The following PIR variants were observed in gnomAD, a reference collection of about 807,000 sequenced individuals.
PIR encodes the protein pirin, also known as pirin (iron-binding nuclear protein).
PIR carries 22 observed loss-of-function variants against 24.2 expected under a neutral mutation model. The ratio of observed to expected loss-of-function variants is 0.91; its 90% CI spans 0.65 to 1.30. The LOEUF is 1.30. Ranked by LOEUF, PIR falls within the 50% of genes most tolerant of loss-of-function variation. PIR has a pLI of 0.00. For missense variants in PIR, 220 were observed against 220.3 expected (o/e 1.00, Z 0.01); for synonymous variants, 80 against 79.6 (o/e 1.00, Z -0.03).
Position 15,428,835 on chromosome X carries a change from A to T in PIR, c.481-2845T>A, listed in dbSNP as rs1004204551. On this transcript the variant is annotated intron_variant, in intron 5 of 9. Transcript: ENST00000380420. The stretch of plus-strand genomic sequence containing the variant: ...GAGGTATTGCTTTTTCTGCTGACCA[A>T]CGAAACACTTATCTTCTTCTGGGTT... Among the ~76,000 whole-genome samples, 5 of 111,755 alleles carry T rather than the reference A, an allele frequency of 4.5e-5. No homozygotes were observed. In the South Asian group the frequency reaches 1.5e-3, roughly 34 times the overall value.
chrX:15,431,598 A>AT (rs1381638974), intron 5 of PIR, among the ~76,000 whole-genome samples: 12 of 109,064 alleles, frequency 1.1e-4, no homozygotes, highest in Non-Finnish European at 5.7e-5. Flanking sequence ...ATTGTTGCAC[A>AT]TTTTTTTTCC....
At chrX:15,468,590 TAC>T (rs1476112273) in intron 3 of PIR, among the ~76,000 whole-genome samples, 3 of 112,432 alleles carry the variant, frequency 2.7e-5, no homozygotes, top group Non-Finnish European at 5.6e-5. Flanking sequence ...TTTTTATGGG[TAC>T]GTTATTATTA....
chrX:15,479,891 A>C, intron 2 of PIR, 70 bp from the exon 3 acceptor site: 1 of 536,972 alleles, frequency 1.9e-6, no homozygotes, highest in Non-Finnish European at 3.0e-6. Context: ...TACATTTATG[A>C]ACAGATCTAG....
Position 15,445,820 on chromosome X carries a change from C to CTT in PIR, c.480+10026_480+10027dup, listed in dbSNP as rs1192838504. Among the ~76,000 whole-genome samples, 446 of 64,922 alleles carry CTT rather than the reference C, an allele frequency of 6.9e-3. 56 individuals carry two copies. The highest frequency in any genetic ancestry group is 0.022 in the African/African-American group (331 of 14,977). 56.4% of individuals were successfully genotyped at this position (64,922 alleles called of 115,157 possible). ...CGTCATCTGTATATTCAAGATATTTCTTTTTTTTTTTTTTTTTTTTTTTTT... is the reference window on the plus strand; with the variant it reads ...CGTCATCTGTATATTCAAGATATTTCTTTTTTTTTTTTTTTTTTTTTTTTTTT... On this transcript the variant is annotated intron_variant, in intron 5 of 9. Coordinates refer to ENST00000380420, the MANE Select transcript of PIR (RefSeq NM_001018109.3).
chrX:15,397,894 G>T (rs962729346), intron 7 of PIR, among the ~76,000 whole-genome samples: 2 of 112,086 alleles, frequency 1.8e-5, no homozygotes, highest in African/African-American at 6.5e-5. Flanking sequence ...ATTTCCACAA[G>T]TATTAATTGA....
At chrX:15,437,574 C>T (rs758033987) in intron 5 of PIR, among the ~76,000 whole-genome samples, 3 of 111,745 alleles carry the variant, frequency 2.7e-5, no homozygotes, top group Non-Finnish European at 5.6e-5. Context: ...ACACTGATGC[C>T]AAACTCCAAT....
At chrX:15,407,729 C>T in intron 6 of PIR, 179 bp from the exon 7 acceptor site, 2 of 430,434 alleles carry the variant, frequency 4.6e-6, no homozygotes, top group South Asian at 7.2e-5. Flanking sequence ...CACTCATTCT[C>T]TTTCTCACAC....
intron 2 of PIR, among the ~76,000 whole-genome samples, chrX:15,490,660 G>A (rs1045489058): frequency 4.8e-5 from 5 of 103,765 alleles, no homozygotes; most frequent in South Asian, 3.7e-4. Context: ...CTCACCAGAC[G>A]TCTACAGAGT....
At chrX:15,419,796 T>C (rs1401317377) in intron 6 of PIR, among the ~76,000 whole-genome samples, 2 of 109,035 alleles carry the variant, frequency 1.8e-5, no homozygotes, top group Non-Finnish European at 3.8e-5. Flanking sequence ...CTCAGGAGGC[T>C]GAGGCAGGAG....
At chrX:15,447,526 G>A (rs1926148662) in intron 5 of PIR, among the ~76,000 whole-genome samples, 1 of 111,798 alleles carries the variant, frequency 8.9e-6, no homozygotes, top group African/African-American at 3.3e-5. Context: ...CACCATGTTA[G>A]CCAGGATGGT....
intron 6 of PIR, among the ~76,000 whole-genome samples, chrX:15,413,885 A>G (rs1924828263): frequency 9.0e-6 from 1 of 111,660 alleles, no homozygotes; most frequent in Non-Finnish European, 1.9e-5. Flanking sequence ...ATCCCTCAGG[A>G]TCCCATATTT....
chrX:15,425,785 T>A (rs1925292341), intron 6 of PIR, 121 bp downstream of exon 6: 2 of 492,085 alleles, frequency 4.1e-6, no homozygotes, highest in Admixed American at 6.1e-5. Context: ...AAACAAGAGT[T>A]CTTAGAACTT....
chrX:15,387,747 T>C (rs1052755062), intron 9 of PIR, among the ~76,000 whole-genome samples: 2 of 111,641 alleles, frequency 1.8e-5, no homozygotes, highest in African/African-American at 6.5e-5. Context: ...ATCCCCCAAC[T>C]GTTTTCTGTA....
intron 3 of PIR, among the ~76,000 whole-genome samples, chrX:15,463,729 T>C (rs1921414972): frequency 8.9e-6 from 1 of 112,288 alleles, no homozygotes; most frequent in South Asian, 3.6e-4. Flanking sequence ...AAGAGACCCA[T>C]TTGTATGGGA....
intron 5 of PIR, among the ~76,000 whole-genome samples, chrX:15,455,213 G>A (rs965595311): frequency 8.9e-6 from 1 of 112,262 alleles, no homozygotes; most frequent in Non-Finnish European, 1.9e-5. Flanking sequence ...CATGGCATTT[G>A]CCGCACCCCT....
intron 7 of PIR, among the ~76,000 whole-genome samples, chrX:15,401,461 G>T (rs893784449): frequency 3.6e-5 from 4 of 110,729 alleles, no homozygotes; most frequent in African/African-American, 1.0e-4. Flanking sequence ...TTAAAACAGG[G>T]TCACGGTCAC....
Position 15,479,187 on chromosome X carries a change from T to TA in PIR, c.189+541dup, listed in dbSNP as rs751329445. On this transcript the variant is annotated intron_variant, in intron 3 of 9. Transcript: ENST00000380420. ...GTCCTTAAAATCCTAATTTTTAGGC[T>TA]ATGTTATATTTGGGCCCCTTGATTC... 1.6e-3 allele frequency among the ~76,000 whole-genome samples: 182 copies of TA among 112,067 alleles called. 1 individual carries two copies. The highest frequency in any genetic ancestry group is 5.7e-3 in the African/African-American group (175 of 30,917).
intron 2 of PIR, among the ~76,000 whole-genome samples, chrX:15,488,138 C>A (rs750361336): frequency 9.2e-6 from 1 of 108,927 alleles, no homozygotes; most frequent in South Asian, 4.1e-4. Flanking sequence ...ATTAGCCAGG[C>A]GTGGTGGCGC....
At chrX:15,407,577 G>A (rs1473292063) in intron 6 of PIR, 27 bp from the exon 7 acceptor site, 31 of 1,115,686 alleles carry the variant, frequency 2.8e-5, no homozygotes, top group Admixed American at 4.4e-5. Flanking sequence ...ACATTAACAT[G>A]TTAGTGTCCA....
Sources: allele counts gnomAD v4.1 joint callset (sites outside exome capture counted in the v4.1 genomes callset), GRCh38; gene constraint gnomAD v4.1.1; transcripts MANE v1.5; gene names NCBI Gene and HGNC (gene_info 2026-07-23, HGNC 2026-07-21).